The following GPHN variants were observed in gnomAD, a reference collection of about 807,000 sequenced individuals.
GPHN encodes gephyrin.
A neutral mutation model predicts 95.5 loss-of-function variants in GPHN; 17 were observed. The ratio of observed to expected loss-of-function variants is 0.18; its 90% CI spans 0.12 to 0.27. GPHN has a LOEUF of 0.27. GPHN is among the 10% of genes least tolerant of loss of function. GPHN has a pLI of 1.00. For missense variants in GPHN, 660 were observed against 978.1 expected, an observed-to-expected ratio of 0.67 and a Z score of 4.34; for synonymous variants, 320 against 322.5, an observed-to-expected ratio of 0.99 and a Z score of 0.08.
intron 1 of GPHN, among the ~76,000 whole-genome samples, chr14:66,623,121 G>A (rs967555108): frequency 2.0e-5 from 3 of 152,198 alleles, no homozygotes; most frequent in African/African-American, 7.2e-5. Flanking sequence ...CATGGCAGAA[G>A]GCAAAGAGGA....
the GPHN span, among the ~76,000 whole-genome samples, chr14:67,356,438 A>C: frequency 1.5e-4 from 22 of 143,874 alleles, no homozygotes; most frequent in African/African-American, 3.9e-4. Flanking sequence ...CAAAAACAAA[A>C]AAAAAAAAAC....
At chr14:66,574,992 C>T (rs1280135337) in intron 1 of GPHN, among the ~76,000 whole-genome samples, 2 of 152,168 alleles carry the variant, frequency 1.3e-5, no homozygotes, top group Non-Finnish European at 2.9e-5. Flanking sequence ...TTTTCAGCCT[C>T]CATAATTACA....
chr14:67,672,447 CTTTTTTT>C, the GPHN span, among the ~76,000 whole-genome samples: 1 of 116,846 alleles, frequency 8.6e-6, no homozygotes, highest in African/African-American at 3.5e-5. Flanking sequence ...CTTTTCTTTT[CTTTTTTT>C]TTTTTTTTTG....
At chr14:67,424,887 AG>A in the GPHN span, among the ~76,000 whole-genome samples, 1 of 152,076 alleles carries the variant, frequency 6.6e-6, no homozygotes, top group Non-Finnish European at 1.5e-5. Flanking sequence ...TGTCAATCAG[AG>A]CAGACCCAGT....
intron 4 of GPHN, 100 bp from the exon 5 acceptor site, chr14:66,879,839 A>G: frequency 1.3e-6 from 1 of 775,296 alleles, no homozygotes; most frequent in Non-Finnish European, 2.3e-6. Flanking sequence ...ATGGTTATTG[A>G]AAGCCTGGTT....
intron 9 of GPHN, among the ~76,000 whole-genome samples, chr14:66,989,670 A>C (rs1394849749): frequency 6.6e-6 from 1 of 151,786 alleles, no homozygotes; most frequent in African/African-American, 2.4e-5. Flanking sequence ...AAAAAAAAAA[A>C]AAACCTATCC....
chr14:66,948,325 T>A (rs913153754), intron 8 of GPHN, among the ~76,000 whole-genome samples: 1 of 152,166 alleles, frequency 6.6e-6, no homozygotes, highest in African/African-American at 2.4e-5. Context: ...ATATTTAAAT[T>A]TTTAAGTTTA....
chr14:67,497,947 G>A, the GPHN span, among the ~76,000 whole-genome samples: 28 of 152,120 alleles, frequency 1.8e-4, no homozygotes, highest in East Asian at 4.8e-3. Context: ...ACATAATGAT[G>A]TATTGCTGGG....
At chr14:67,091,972 A>C (rs2077167997) in intron 12 of GPHN, among the ~76,000 whole-genome samples, 4 of 152,062 alleles carry the variant, frequency 2.6e-5, no homozygotes, top group Admixed American at 2.6e-4. Context: ...CAAGATATGT[A>C]ACATATAAGA....
intron 3 of GPHN, among the ~76,000 whole-genome samples, chr14:66,818,243 C>G (rs1175685393): frequency 6.6e-6 from 1 of 151,980 alleles, no homozygotes; most frequent in Admixed American, 6.6e-5. Context: ...GTTATATTTC[C>G]TGCTTCTCTC....
intron 1 of GPHN, among the ~76,000 whole-genome samples, chr14:66,575,513 G>C (rs2060866787): frequency 6.6e-6 from 1 of 152,236 alleles, no homozygotes; most frequent in Admixed American, 6.5e-5. Context: ...GACAGAAGAA[G>C]CTCTTTACCA....
At chr14:67,473,704 G>A in the GPHN span, 18 of 1,595,098 alleles carry the variant, frequency 1.1e-5, no homozygotes, top group Non-Finnish European at 1.5e-5. This position sits in a 1 kb window ranked among gnomAD's most constrained non-coding sequence, Gnocchi z 6.5. Flanking sequence ...CAGCGCAGGA[G>A]CAGCGGGCAG....
intron 4 of GPHN, among the ~76,000 whole-genome samples, chr14:66,852,171 T>C (rs1010259430): frequency 3.3e-5 from 5 of 152,234 alleles, no homozygotes; most frequent in African/African-American, 1.2e-4. Context: ...AAAACAGATA[T>C]CATTAGTTGA....
At chr14:66,899,912 G>A (rs1567077674) in intron 5 of GPHN, among the ~76,000 whole-genome samples, 1 of 151,664 alleles carries the variant, frequency 6.6e-6, no homozygotes, top group African/African-American at 2.4e-5. Flanking sequence ...TTTTTCTAGA[G>A]TTTTTTTACT....
intron 3 of GPHN, among the ~76,000 whole-genome samples, chr14:66,777,845 T>G (rs2059440824): frequency 6.6e-6 from 1 of 152,162 alleles, no homozygotes; most frequent in African/African-American, 2.4e-5. Context: ...GAGCTATCTA[T>G]GACAAACCAA....
the GPHN span, among the ~76,000 whole-genome samples, chr14:67,591,505 T>C: frequency 6.6e-6 from 1 of 152,240 alleles, no homozygotes. Flanking sequence ...TACCTACCTC[T>C]AAATTTATTA....
the GPHN span, among the ~76,000 whole-genome samples, chr14:67,603,059 T>C: frequency 2.9e-5 from 3 of 103,610 alleles, no homozygotes; most frequent in East Asian, 8.6e-4. Context: ...TCTTTTTCTT[T>C]CTTTCTGGTT....
chr14:67,701,320 G>A, the GPHN span, among the ~76,000 whole-genome samples: 1 of 151,026 alleles, frequency 6.6e-6, no homozygotes, highest in African/African-American at 2.4e-5. Context: ...TTAACATAGA[G>A]GACCAAAATC....
At position 66,745,046 on chromosome 14, in the gene GPHN, G is replaced by A. The variant is rs77119830; in HGVS notation, c.144-31418G>A. Among the ~76,000 whole-genome samples, 542 of 152,134 alleles carry A rather than the reference G, an allele frequency of 3.6e-3. 9 individuals carry two copies. Among genetic ancestry groups the A allele is most frequent in the African/African-American group, 0.012 (516 of 41,526 alleles). ...GTGCCTTAAAAGATCAAGTTTTTCA[G>A]TGTTAAAATTCTACATCTCAATATA... On this transcript the variant is annotated intron_variant, in intron 2 of 22. Coordinates refer to ENST00000478722, the MANE Select transcript of GPHN (RefSeq NM_020806.5).
Sources: allele counts gnomAD v4.1 joint callset (sites outside exome capture counted in the v4.1 genomes callset), GRCh38; gene constraint gnomAD v4.1.1; non-coding constraint Gnocchi (gnomAD v3.1); transcripts MANE v1.5; gene names NCBI Gene and HGNC (gene_info 2026-07-23, HGNC 2026-07-21).